Variants in FRYL observed in about 807,000 individuals in gnomAD.
FRYL encodes FRY like transcription coactivator.
FRYL carries 150 observed loss-of-function variants against 351.2 expected under a neutral mutation model. The ratio of observed to expected loss-of-function variants is 0.43; its 90% CI spans 0.37 to 0.49. The LOEUF is 0.49. Among genes scored for constraint, FRYL ranks in the 20% least tolerant of loss-of-function variants. The pLI is 0.00. For missense variants in FRYL, 3,036 were observed against 3,619.3 expected (o/e 0.84, Z 4.13); for synonymous variants, 1,153 against 1,257.1 (o/e 0.92, Z 1.75).
rs554569437 is a variant in FRYL at position 48,587,547 on chromosome 4, T to A, written c.1641-819A>T. Among the ~76,000 whole-genome samples the A allele has an allele frequency of 2.5e-3, 375 of 151,448 alleles. 2 individuals are homozygous for A. Among genetic ancestry groups the A allele is most frequent in the Middle Eastern group, 6.9e-3 (2 of 290 alleles). On this transcript the variant is annotated intron_variant, in intron 18 of 63. Coordinates refer to ENST00000358350, the MANE Select transcript of FRYL (RefSeq NM_015030.2). ...AGTGTTTTGGGTTTTATTTTTATTT[T>A]TTATTTTTTTTTTGAGATGGAGTTT...
At chr4:48,550,195 T>C (rs1732380047) in intron 38 of FRYL, among the ~76,000 whole-genome samples, 2 of 152,322 alleles carry the variant, frequency 1.3e-5, no homozygotes, top group African/African-American at 4.8e-5. Flanking sequence ...GCTTCTATGA[T>C]ACCCTGCCTT....
At chr4:48,761,007 C>G (rs79037371) in intron 1 of FRYL, among the ~76,000 whole-genome samples, 33,332 of 133,936 alleles carry the variant, frequency 0.25, 4,090 homozygotes, top group East Asian at 0.33. Flanking sequence ...ATTACTCTGT[C>G]TGTGTGTGTG....
intron 50 of FRYL, among the ~76,000 whole-genome samples, chr4:48,528,917 G>T (rs749349477): frequency 1.3e-5 from 2 of 152,076 alleles, no homozygotes; most frequent in Non-Finnish European, 2.9e-5. Flanking sequence ...ATTTGACTTT[G>T]TAAAGTGTTT....
At position 48,570,923 on chromosome 4, in the gene FRYL, T is replaced by A; in HGVS notation, c.2905-5A>T. On this transcript the variant is annotated splice_region_variant and splice_polypyrimidine_tract_variant and intron_variant, in intron 26 of 63. Transcript: ENST00000358350. ...ACGCCTGCGCCGTTTCATATTCTATTCCAAAGATACAAACACATTAATTAA... is the reference window on the plus strand; with the variant it reads ...ACGCCTGCGCCGTTTCATATTCTATACCAAAGATACAAACACATTAATTAA... 1.2e-6 allele frequency: 2 copies of A among 1,605,970 alleles called. No individual in the cohort carries two copies. Among genetic ancestry groups the A allele is most frequent in the Non-Finnish European group, 1.7e-6 (2 of 1,172,894 alleles).
intron 9 of FRYL, among the ~76,000 whole-genome samples, chr4:48,607,407 T>A (rs1480293143): frequency 6.6e-6 from 1 of 152,218 alleles, no homozygotes; most frequent in Non-Finnish European, 1.5e-5. Context: ...TTTTTTATTT[T>A]AATCTTGGAG....
At chr4:48,768,265 C>T (rs1464014153) in intron 1 of FRYL, among the ~76,000 whole-genome samples, 5 of 152,090 alleles carry the variant, frequency 3.3e-5, no homozygotes, top group Non-Finnish European at 5.9e-5. Context: ...CACAAACGCA[C>T]AAATGGATTC....
chr4:48,737,665 C>T (rs569928310), intron 1 of FRYL, among the ~76,000 whole-genome samples: 1 of 152,262 alleles, frequency 6.6e-6, no homozygotes, highest in African/African-American at 2.4e-5. Context: ...CAGGAAACGA[C>T]ATTACAAGAA....
At chr4:48,576,389 C>T (rs998357323) in intron 23 of FRYL, among the ~76,000 whole-genome samples, 167 bp from the exon 24 acceptor site, 1 of 151,782 alleles carries the variant, frequency 6.6e-6, no homozygotes, top group Non-Finnish European at 1.5e-5. Context: ...TGCAACCTCC[C>T]CACCTCTCAG....
intron 4 of FRYL, among the ~76,000 whole-genome samples, chr4:48,633,082 G>A (rs553857862): frequency 4.6e-5 from 7 of 152,088 alleles, no homozygotes; most frequent in South Asian, 2.1e-4. Context: ...AACATCCTTC[G>A]CCTTCCTCTC....
At chr4:48,692,714 A>T (rs1578740494) in intron 2 of FRYL, among the ~76,000 whole-genome samples, 2 of 152,244 alleles carry the variant, frequency 1.3e-5, no homozygotes, top group East Asian at 3.9e-4. Context: ...TGAAAGTTGG[A>T]GGTTGTAATA....
chr4:48,544,957 G>A (rs1195273535), intron 42 of FRYL, 53 bp from the exon 43 acceptor site: 2 of 1,550,978 alleles, frequency 1.3e-6, no homozygotes, highest in East Asian at 4.6e-5. Flanking sequence ...GTGATTAACA[G>A]TTGTACTCAC....
chr4:48,776,211 CTCCTGGGCTCAAGCCA>C (rs1776009283), intron 1 of FRYL, among the ~76,000 whole-genome samples: 1 of 150,092 alleles, frequency 6.7e-6, no homozygotes, highest in African/African-American at 2.5e-5. Flanking sequence ...TGCTCTTTAA[CTCCTGGGCTCAAGCCA>C]TCTTCCCGCC....
At chr4:48,546,635 T>G (rs1013008328) in intron 41 of FRYL, 8 of 201,704 alleles carry the variant, frequency 4.0e-5, no homozygotes, top group African/African-American at 1.4e-4. Context: ...TTATAGAAAA[T>G]TTTCTATAAT....
intron 1 of FRYL, among the ~76,000 whole-genome samples, chr4:48,737,908 A>G (rs1266102760): frequency 1.3e-5 from 2 of 152,208 alleles, no homozygotes; most frequent in African/African-American, 4.8e-5. Context: ...ACAAAATACA[A>G]CACTCATTCA....
chr4:48,609,718 C>T, intron 8 of FRYL, 26 bp downstream of exon 8: 1 of 1,226,882 alleles, frequency 8.2e-7, no homozygotes. Flanking sequence ...AAAAAGGCAA[C>T]AATCCCAAGT....
intron 1 of FRYL, among the ~76,000 whole-genome samples, chr4:48,765,328 A>G (rs1025757652): frequency 6.6e-6 from 1 of 152,202 alleles, no homozygotes; most frequent in African/African-American, 2.4e-5. Context: ...AACAAAATAG[A>G]GAGCCCAGAA....
intron 2 of FRYL, among the ~76,000 whole-genome samples, chr4:48,709,439 G>A (rs1425455902): frequency 3.3e-5 from 5 of 152,136 alleles, no homozygotes; most frequent in Admixed American, 1.3e-4. Flanking sequence ...TAAGAATGTG[G>A]AAAGAAAGAG....
Position 48,582,491 on chromosome 4 carries a change from T to A in FRYL, c.1986+6A>T. 6.4e-7 allele frequency: 1 copy of A among 1,572,698 alleles called. No individual in the cohort carries two copies. Among genetic ancestry groups the A allele is most frequent in the Non-Finnish European group, 8.8e-7 (1 of 1,142,542 alleles). ...TACAAAAGGACAATAGAAAAGAATC[T>A]GGTACCTGAGTGTCCTGGTTTTTAT... is the stretch of plus-strand genomic sequence containing the variant. On this transcript the variant is annotated splice_donor_region_variant and intron_variant, in intron 20 of 63. Transcript: ENST00000358350.
chr4:48,550,167 C>A (rs533839827), intron 38 of FRYL, among the ~76,000 whole-genome samples: 1 of 152,312 alleles, frequency 6.6e-6, no homozygotes, highest in African/African-American at 2.4e-5. Context: ...AGTGTCCCTT[C>A]CCAGTCTGAA....
Sources: gnomAD v4.1 joint callset for allele counts (sites outside exome capture counted in the v4.1 genomes callset) on GRCh38, gnomAD v4.1.1 for gene constraint, MANE v1.5 for transcripts, NCBI Gene and HGNC (gene_info 2026-07-23, HGNC 2026-07-21) for gene names.